Variants in KCNQ5 observed in about 807,000 individuals in gnomAD.
KCNQ5 encodes potassium voltage-gated channel subfamily KQT member 5.
Under a neutral mutation model 98.2 loss-of-function variants are expected in KCNQ5, and 30 were observed. The observed-to-expected ratio is 0.31, with a 90% CI of 0.23 to 0.41. The LOEUF (loss-of-function observed/expected upper bound fraction) is 0.41, where lower values mean the gene tolerates loss of function less well. Ranked by LOEUF, KCNQ5 falls within the 10% of genes least tolerant of loss-of-function variation. KCNQ5 has a pLI of 1.00. For missense variants in KCNQ5, 835 were observed against 1,182.5 expected (o/e 0.71, Z 4.31); for synonymous variants, 458 against 449.4 (o/e 1.02, Z -0.24).
chr6:73,050,627 T>A (rs1274085653), intron 3 of KCNQ5, among the ~76,000 whole-genome samples: 3 of 152,184 alleles, frequency 2.0e-5, no homozygotes, highest in Non-Finnish European at 1.5e-5. Context: ...CCTATAAAAT[T>A]TTCTCACATG....
At chr6:72,673,131 G>A (rs901728261) in intron 1 of KCNQ5, among the ~76,000 whole-genome samples, 1 of 152,148 alleles carries the variant, frequency 6.6e-6, no homozygotes, top group Non-Finnish European at 1.5e-5. Context: ...CCCATTGCCT[G>A]GGGATAGCTA....
chr6:72,644,576 G>A (rs1417996309), intron 1 of KCNQ5, among the ~76,000 whole-genome samples: 1 of 152,134 alleles, frequency 6.6e-6, no homozygotes, highest in Non-Finnish European at 1.5e-5. Context: ...CACAAATAAT[G>A]AGGATCAGCA....
chr6:72,802,744 A>C (rs974525999), intron 1 of KCNQ5, among the ~76,000 whole-genome samples: 25 of 152,128 alleles, frequency 1.6e-4, no homozygotes, highest in African/African-American at 6.0e-4. Context: ...TCTCACCACC[A>C]GTTGAAAATA....
chr6:72,816,089 A>T (rs895488860), intron 1 of KCNQ5, among the ~76,000 whole-genome samples: 3 of 151,616 alleles, frequency 2.0e-5, no homozygotes, highest in Non-Finnish European at 4.4e-5. Context: ...ATGGCAAGAA[A>T]TGAGGTGAAC....
intron 1 of KCNQ5, among the ~76,000 whole-genome samples, chr6:72,644,637 A>G (rs1765495097): frequency 6.6e-6 from 1 of 152,190 alleles, no homozygotes; most frequent in Non-Finnish European, 1.5e-5. Context: ...TTCTGGAAGG[A>G]TTAAACTACT....
At chr6:72,951,986 C>G (rs1252901239) in intron 1 of KCNQ5, among the ~76,000 whole-genome samples, 1 of 152,164 alleles carries the variant, frequency 6.6e-6, no homozygotes, top group Non-Finnish European at 1.5e-5. Flanking sequence ...TTCTACAACT[C>G]TAGCTAGACA....
rs35693535 is a variant in KCNQ5 at position 73,150,832 on chromosome 6, A to ATGTGTG, written c.1468+17205_1468+17210dup. Among the ~76,000 whole-genome samples the ATGTGTG allele has an allele frequency of 9.2e-4, 137 of 148,206 alleles. 1 individual carries two copies. Among genetic ancestry groups the ATGTGTG allele is most frequent in the African/African-American group, 2.2e-3 (90 of 40,430 alleles). On this transcript the variant is annotated intron_variant, in intron 10 of 13. Coordinates refer to ENST00000370398, the MANE Select transcript of KCNQ5 (RefSeq NM_019842.4). ...TAGTGTGGGAAGTGTATATATATATATGTGTGTGTGTGTGTGTGTATATCC... is the reference window on the plus strand; with the variant it reads ...TAGTGTGGGAAGTGTATATATATATATGTGTGTGTGTGTGTGTGTGTGTGTATATCC...
At chr6:72,840,381 A>C (rs139086803) in intron 1 of KCNQ5, among the ~76,000 whole-genome samples, 5 of 152,294 alleles carry the variant, frequency 3.3e-5, no homozygotes, top group Non-Finnish European at 7.4e-5. Context: ...TTGCATACTT[A>C]AAAGAATAGC....
chr6:73,153,726 G>T (rs1777241889), intron 10 of KCNQ5, among the ~76,000 whole-genome samples: 1 of 151,526 alleles, frequency 6.6e-6, no homozygotes, highest in Non-Finnish European at 1.5e-5. Flanking sequence ...CTCTAATACT[G>T]CATTTGAATG....
intron 11 of KCNQ5, among the ~76,000 whole-genome samples, chr6:73,177,024 A>G (rs1778238363): frequency 6.6e-6 from 1 of 152,238 alleles, no homozygotes; most frequent in Non-Finnish European, 1.5e-5. Flanking sequence ...AGATTCAAAC[A>G]GCCAGACAGA....
At chr6:73,009,624 A>T (rs1374998741) in intron 2 of KCNQ5, among the ~76,000 whole-genome samples, 1 of 152,198 alleles carries the variant, frequency 6.6e-6, no homozygotes, top group African/African-American at 2.4e-5. Flanking sequence ...CAAAACAGAC[A>T]AACCTTTAGA....
intron 1 of KCNQ5, among the ~76,000 whole-genome samples, chr6:72,815,431 A>T (rs1438876137): frequency 6.6e-6 from 1 of 152,174 alleles, no homozygotes; most frequent in Non-Finnish European, 1.5e-5. Flanking sequence ...TGTGCAGAAT[A>T]TGTGGCTTTG....
chr6:72,949,036 AT>A (rs1408109324), intron 1 of KCNQ5, among the ~76,000 whole-genome samples: 1 of 152,044 alleles, frequency 6.6e-6, no homozygotes, highest in African/African-American at 2.4e-5. Flanking sequence ...CAATGTTCGT[AT>A]TTTTTTATAT....
chr6:72,639,868 AC>A (rs968257630), intron 1 of KCNQ5, among the ~76,000 whole-genome samples: 3 of 152,004 alleles, frequency 2.0e-5, no homozygotes, highest in Non-Finnish European at 4.4e-5. Flanking sequence ...AGCCTCAGGA[AC>A]CCCCTTCCCT....
At chr6:72,831,661 T>A (rs1323796725) in intron 1 of KCNQ5, among the ~76,000 whole-genome samples, 1 of 151,298 alleles carries the variant, frequency 6.6e-6, no homozygotes, top group African/African-American at 2.4e-5. Context: ...CACACCAACA[T>A]GGCACATGTA....
In KCNQ5 at chr6:72,748,618, G is replaced by A. The variant is rs191847002; in HGVS notation, c.398+126031G>A. On this transcript the variant is annotated intron_variant, in intron 1 of 13. Coordinates refer to ENST00000370398, the MANE Select transcript of KCNQ5 (RefSeq NM_019842.4). The stretch of plus-strand genomic sequence containing the variant: ...TGCTTTGTTTCTACCTTCATTAAGG[G>A]ATATGAGGCCCATGCTAAGAAAAAT... Among the ~76,000 whole-genome samples the A allele has an allele frequency of 3.5e-3, 530 of 152,186 alleles. 3 individuals carry two copies. Among genetic ancestry groups the A allele is most frequent in the Non-Finnish European group, 4.4e-3 (298 of 67,988 alleles).
intron 9 of KCNQ5, among the ~76,000 whole-genome samples, chr6:73,131,087 C>T (rs1776214542): frequency 6.6e-6 from 1 of 152,096 alleles, no homozygotes; most frequent in Non-Finnish European, 1.5e-5. Context: ...ATATTATTCA[C>T]ATTTTCCAAT....
chr6:73,066,710 G>C (rs1388446551), intron 3 of KCNQ5, among the ~76,000 whole-genome samples: 1 of 152,204 alleles, frequency 6.6e-6, no homozygotes, highest in Non-Finnish European at 1.5e-5. Flanking sequence ...AACCAGCCCT[G>C]AGAGATAAGT....
In KCNQ5 at chr6:73,133,578, G is replaced by A; in HGVS notation, c.1405G>A (p.Asp469Asn). Residue 469 changes from aspartate to asparagine, a missense_variant, in exon 10 of 14, where the codon GAC becomes AAC. This residue lies in a region of KCNQ5 where 146 missense variants were observed against 256.7 expected (regional missense o/e 0.57). Coordinates refer to ENST00000370398, the MANE Select transcript of KCNQ5 (RefSeq NM_019842.4). Reference sequence around the variant, plus strand: ...AGTGCAGAAGAGCTGGAGCTTCAACGACCGAACCCGCTTCCGGCCCTCGCT... The same window carrying A: ...AGTGCAGAAGAGCTGGAGCTTCAACAACCGAACCCGCTTCCGGCCCTCGCT... ...TKVQKSWSFN[D>N]RTRFRPSLRL... 6.2e-7 allele frequency: 1 copy of A among 1,614,186 alleles called. No homozygotes were observed. The highest frequency in any genetic ancestry group is 8.5e-7 in the Non-Finnish European group (1 of 1,180,044).
Sources: gnomAD v4.1 joint callset for allele counts (sites outside exome capture counted in the v4.1 genomes callset) on GRCh38, gnomAD v4.1.1 for gene constraint, gnomAD v4.1.1 regional missense constraint, MANE v1.5 for transcripts, NCBI Gene and HGNC (gene_info 2026-07-23, HGNC 2026-07-21) for gene names.